Variants in EPHB1 observed in about 807,000 individuals in gnomAD.
EPHB1 encodes ephrin type-B receptor 1.
In EPHB1, 30 loss-of-function variants were observed where a neutral mutation model predicts 94.4. The observed-to-expected ratio is 0.32, with a 90% CI of 0.24 to 0.43. EPHB1 has a LOEUF of 0.43. EPHB1 is among the 20% of genes least tolerant of loss of function. The probability of loss-of-function intolerance (pLI) is 1.00; values close to 1 mark genes in which losing one functional copy is unlikely to be tolerated. For synonymous variants in EPHB1, 522 were observed against 489.1 expected (o/e 1.07, Z -0.89); for missense variants, 1,055 against 1,308.3 (o/e 0.81, Z 2.99).
chr3:135,074,262 T>C (rs1287751011), intron 3 of EPHB1, among the ~76,000 whole-genome samples: 1 of 152,232 alleles, frequency 6.6e-6, no homozygotes, highest in Non-Finnish European at 1.5e-5. Context: ...AGTGGAGTGT[T>C]TAAATATCAT....
chr3:135,147,324 A>G lies in EPHB1; in HGVS notation c.1298-6828A>G, dbSNP rs377241104. On this transcript the variant is annotated intron_variant, in intron 5 of 15. Transcript: ENST00000398015. ...AGAGGTTAGTATTACCATATGATCC[A>G]GCAGTTCCAATCCTAGGTTGATTCC... is the stretch of plus-strand genomic sequence containing the variant. 1.2e-4 allele frequency among the ~76,000 whole-genome samples: 18 copies of G among 152,382 alleles called. No homozygotes were observed. The East Asian group carries it at 3.5e-3, about 29-fold the overall frequency.
chr3:135,178,864 T>G (rs1212398554), intron 9 of EPHB1, among the ~76,000 whole-genome samples: 1 of 152,222 alleles, frequency 6.6e-6, no homozygotes, highest in Non-Finnish European at 1.5e-5. Flanking sequence ...TTCCCAAGGC[T>G]GTGATATCAG....
Position 134,955,573 on chromosome 3 carries a change from A to G in EPHB1, c.805+3521A>G, listed in dbSNP as rs1375318669. 2.0e-5 allele frequency among the ~76,000 whole-genome samples: 2 copies of G among 100,492 alleles called. 1 individual carries two copies. Among genetic ancestry groups the G allele is most frequent in the African/African-American group, 9.6e-5 (2 of 20,732 alleles). 65.9% of individuals were successfully genotyped at this position (100,492 alleles called of 152,430 possible). On this transcript the variant is annotated intron_variant, in intron 3 of 15. Transcript: ENST00000398015. Reference sequence around the variant, plus strand: ...GTGGAAGTCAGTGTGGCGATTCCTCAGGGATCTAGAACTAGAAATACCATT... The same window carrying G: ...GTGGAAGTCAGTGTGGCGATTCCTCGGGGATCTAGAACTAGAAATACCATT...
At chr3:135,256,811 T>A (rs532455817) in intron 15 of EPHB1, among the ~76,000 whole-genome samples, 18 of 151,902 alleles carry the variant, frequency 1.2e-4, no homozygotes, top group Non-Finnish European at 2.4e-4. Flanking sequence ...CTGCAGCGTG[T>A]TTTCCAACTT....
chr3:135,218,639 C>T (rs2107719134), intron 12 of EPHB1, among the ~76,000 whole-genome samples: 1 of 152,330 alleles, frequency 6.6e-6, no homozygotes, highest in African/African-American at 2.4e-5. Context: ...TGGGTGCAGG[C>T]CCATGCAGTG....
intron 12 of EPHB1, among the ~76,000 whole-genome samples, chr3:135,226,602 GGC>G (rs925452036): frequency 6.6e-5 from 10 of 152,142 alleles, no homozygotes; most frequent in Non-Finnish European, 1.3e-4. Flanking sequence ...GGCTCTGCAC[GGC>G]TGTGATAACC....
rs142560928 is a variant in EPHB1 at position 134,940,309 on chromosome 3, A to G, written c.124-11062A>G. Among the ~76,000 whole-genome samples the G allele has an allele frequency of 6.2e-4, 95 of 152,328 alleles. 2 individuals are homozygous for G. In the East Asian group the frequency reaches 0.017, roughly 27 times the overall value. On this transcript the variant is annotated intron_variant, in intron 2 of 15. Transcript: ENST00000398015. ...CAGTGAATGGTAGTTATGTGCAGGCACAGCACTAGATGAGCTCCTTCCACA... is the reference window on the plus strand; with the variant it reads ...CAGTGAATGGTAGTTATGTGCAGGCGCAGCACTAGATGAGCTCCTTCCACA...
At chr3:135,045,172 T>G (rs547103728) in intron 3 of EPHB1, among the ~76,000 whole-genome samples, 2 of 152,268 alleles carry the variant, frequency 1.3e-5, no homozygotes. Context: ...AAAGCATTGA[T>G]GGGTAAAGCT....
chr3:134,856,127 T>G (rs10935138), intron 1 of EPHB1, among the ~76,000 whole-genome samples: 141,435 of 152,220 alleles, frequency 0.93, 66,566 homozygotes, highest in East Asian at 1. Context: ...AGCAAGTTTG[T>G]AACTGAGTGC....
At chr3:135,112,687 GTTT>G (rs2107801957) in intron 4 of EPHB1, among the ~76,000 whole-genome samples, 1 of 151,574 alleles carries the variant, frequency 6.6e-6, no homozygotes, top group South Asian at 2.1e-4. Context: ...ATGGTTTCCA[GTTT>G]CATCCATGTC....
At chr3:134,809,723 A>G (rs1232734821) in intron 1 of EPHB1, among the ~76,000 whole-genome samples, 1 of 152,214 alleles carries the variant, frequency 6.6e-6, no homozygotes, top group Non-Finnish European at 1.5e-5. Flanking sequence ...ATTCTGAATT[A>G]TAATGCCATT....
chr3:134,988,827 G>C (rs1056507422), intron 3 of EPHB1, among the ~76,000 whole-genome samples: 1 of 152,198 alleles, frequency 6.6e-6, no homozygotes, highest in Non-Finnish European at 1.5e-5. Flanking sequence ...AGTCACTGCT[G>C]TTGGGTATAA....
chr3:135,227,598 T>C (rs1376013455), intron 12 of EPHB1, among the ~76,000 whole-genome samples: 2 of 152,202 alleles, frequency 1.3e-5, no homozygotes, highest in Non-Finnish European at 2.9e-5. Context: ...AATGGTCATC[T>C]AGGTGGCTTC....
chr3:134,983,228 A>G (rs1163484267), intron 3 of EPHB1, among the ~76,000 whole-genome samples: 1 of 152,078 alleles, frequency 6.6e-6, no homozygotes, highest in South Asian at 2.1e-4. Flanking sequence ...CTGAATATGC[A>G]TGTGTGTGTA....
intron 1 of EPHB1, among the ~76,000 whole-genome samples, chr3:134,836,660 A>T (rs183563195): frequency 6.6e-6 from 1 of 152,370 alleles, no homozygotes; most frequent in African/African-American, 2.4e-5. Flanking sequence ...GCACATTTTA[A>T]CAAATGCACT....
rs2035802446 is a variant in EPHB1 at position 134,795,478 on chromosome 3, C to G, written c.-154C>G. On this transcript the variant is annotated 5_prime_UTR_variant, in exon 1 of 16. Transcript: ENST00000398015. The stretch of plus-strand genomic sequence containing the variant: ...CCCCACGCGCACACACTCCTGCCCA[C>G]GCCCACGCAGCGCTCCGGGAAGTCC... 1.4e-6 allele frequency: 1 copy of G among 691,058 alleles called. No individual in the cohort carries two copies. Among genetic ancestry groups the G allele is most frequent in the Non-Finnish European group, 2.3e-6 (1 of 427,978 alleles). The allele number at this position is 691,058 out of a possible 1,614,324, so 42.8% of individuals were successfully genotyped here.
At chr3:135,131,077 G>A (rs1940396920) in intron 4 of EPHB1, among the ~76,000 whole-genome samples, 1 of 152,194 alleles carries the variant, frequency 6.6e-6, no homozygotes, top group African/African-American at 2.4e-5. Flanking sequence ...CACTAGCTAT[G>A]TGATTATTTG....
chr3:135,152,307 C>G (rs1302346396), intron 5 of EPHB1, among the ~76,000 whole-genome samples: 1 of 152,078 alleles, frequency 6.6e-6, no homozygotes, highest in Non-Finnish European at 1.5e-5. Context: ...AAATAAAGAT[C>G]GGAAGATATG....
intron 9 of EPHB1, among the ~76,000 whole-genome samples, chr3:135,170,558 G>A (rs1941776896): frequency 6.6e-6 from 1 of 152,092 alleles, no homozygotes; most frequent in South Asian, 2.1e-4. Context: ...GAAACAGTTT[G>A]TTCTCATGGT....
Sources: allele counts gnomAD v4.1 joint callset (sites outside exome capture counted in the v4.1 genomes callset), GRCh38; gene constraint gnomAD v4.1.1; transcripts MANE v1.5; gene names NCBI Gene and HGNC (gene_info 2026-07-23, HGNC 2026-07-21).